The following TRAM1 variants were observed in gnomAD, a reference collection of about 807,000 sequenced individuals.
The protein encoded by TRAM1 is translocation associated membrane protein 1.
In TRAM1, 17 loss-of-function variants were observed where a neutral mutation model predicts 48.7. The ratio of observed to expected loss-of-function variants is 0.35; its 90% CI spans 0.24 to 0.52. The LOEUF (loss-of-function observed/expected upper bound fraction) is 0.52, where lower values mean the gene tolerates loss of function less well. Ranked by LOEUF, TRAM1 falls within the 20% of genes least tolerant of loss-of-function variation. The probability of loss-of-function intolerance (pLI) is 0.94; values close to 1 mark genes in which losing one functional copy is unlikely to be tolerated. For synonymous variants in TRAM1, 182 were observed against 154.0 expected (o/e 1.18, Z -1.34); for missense variants, 351 against 441.5 (o/e 0.79, Z 1.84).
intron 6 of TRAM1, among the ~76,000 whole-genome samples, chr8:70,593,089 C>A (rs905274795): frequency 6.6e-6 from 1 of 152,106 alleles, no homozygotes; most frequent in African/African-American, 2.4e-5. Context: ...AATAAAAGGT[C>A]TTCATCCTAT....
chr8:70,596,313 G>T lies in TRAM1; in HGVS notation c.435C>A (p.Tyr145Ter). Residue 145 changes from tyrosine (Y) to a stop codon, truncating the protein, a stop_gained, in exon 5 of 11, where the codon TAC becomes TAA. Coordinates refer to ENST00000262213, the MANE Select transcript of TRAM1 (RefSeq NM_014294.6). LOFTEE classifies it high-confidence loss of function. ...WGTFILISEN[Y>*]ISDPTILWRA... Reference sequence around the variant, plus strand: ...TCCATAAGATAGTTGGGTCTGAGATGTAGTTTTCCTAAGAAAGAAGATATA... The same window carrying T: ...TCCATAAGATAGTTGGGTCTGAGATTTAGTTTTCCTAAGAAAGAAGATATA... 6.3e-7 allele frequency: 1 copy of T among 1,596,982 alleles called. No homozygotes were observed. The highest frequency in any genetic ancestry group is 8.5e-7 in the Non-Finnish European group (1 of 1,173,362).
At chr8:70,593,654 C>T (rs1460818683) in intron 6 of TRAM1, among the ~76,000 whole-genome samples, 1 of 149,408 alleles carries the variant, frequency 6.7e-6, no homozygotes, top group Non-Finnish European at 1.5e-5. Flanking sequence ...ATTAATTTAT[C>T]CGAGGGAAGA....
At chr8:70,578,315 C>T (rs1379270138) in intron 10 of TRAM1, among the ~76,000 whole-genome samples, 1 of 152,166 alleles carries the variant, frequency 6.6e-6, no homozygotes, top group Non-Finnish European at 1.5e-5. Context: ...CGTCATGTTG[C>T]CCAGGCTGGT....
chr8:70,594,470 CAA>C, intron 6 of TRAM1, 34 bp downstream of exon 6: 2 of 1,517,492 alleles, frequency 1.3e-6, no homozygotes, highest in Non-Finnish European at 1.8e-6. Flanking sequence ...AAAAAAATGA[CAA>C]GACATTTTTT....
rs979484628 is a variant in TRAM1, at chr8:70,606,842, AC to A, written c.123+1234del. On this transcript the variant is annotated intron_variant, in intron 1 of 10. Coordinates refer to ENST00000262213, the MANE Select transcript of TRAM1 (RefSeq NM_014294.6). ...TTTAATTTTAAAATTAAAAAAAAAAACAAATATGCTCCATTAAAAAGAAAAT... is the reference window on the plus strand; with the variant it reads ...TTTAATTTTAAAATTAAAAAAAAAAAAAATATGCTCCATTAAAAAGAAAAT... The A allele has an allele frequency of 3.2e-5, 31 of 956,028 alleles. No homozygotes were observed. In the South Asian group the frequency reaches 4.8e-4, roughly 15 times the overall value. The allele number at this position is 956,028 out of a possible 1,614,324, so 59.2% of individuals were successfully genotyped here.
At chr8:70,596,755 T>C (rs988899710) in intron 4 of TRAM1, among the ~76,000 whole-genome samples, 1 of 143,012 alleles carries the variant, frequency 7.0e-6, no homozygotes, top group Non-Finnish European at 1.5e-5. Context: ...ATTACGTCAA[T>C]AAAATACTGC....
intron 10 of TRAM1, among the ~76,000 whole-genome samples, chr8:70,576,712 C>G (rs1816961214): frequency 6.6e-6 from 1 of 152,188 alleles, no homozygotes; most frequent in African/African-American, 2.4e-5. Context: ...ATGACATTGG[C>G]TGTAGTGTGA....
intron 4 of TRAM1, among the ~76,000 whole-genome samples, chr8:70,596,872 T>A (rs1817498452): frequency 1.3e-5 from 2 of 151,460 alleles, no homozygotes. Flanking sequence ...GTGATTTTTG[T>A]AAGAGTATTT....
chr8:70,579,183 A>T (rs1817022690), intron 10 of TRAM1, among the ~76,000 whole-genome samples: 1 of 152,226 alleles, frequency 6.6e-6, no homozygotes, highest in Admixed American at 6.5e-5. Flanking sequence ...CCACAAATCT[A>T]GATGGTAGAG....
intron 10 of TRAM1, among the ~76,000 whole-genome samples, chr8:70,578,030 C>T (rs139076334): frequency 5.3e-5 from 8 of 152,354 alleles, no homozygotes; most frequent in African/African-American, 1.4e-4. Flanking sequence ...TGCTGCTCCA[C>T]GTCTGGCTCA....
intron 6 of TRAM1, among the ~76,000 whole-genome samples, chr8:70,590,551 T>C (rs1266979665): frequency 6.6e-6 from 1 of 152,206 alleles, no homozygotes; most frequent in East Asian, 1.9e-4. Context: ...GCAGTGGTTA[T>C]TCACAGGTGC....
chr8:70,586,826 A>T (rs112421670), intron 8 of TRAM1, 69 bp downstream of exon 8: 1 of 1,313,798 alleles, frequency 7.6e-7, no homozygotes, highest in African/African-American at 1.5e-5. Flanking sequence ...TAAAGCATGG[A>T]TCTTGGCAAT....
At position 70,587,180 on chromosome 8, in the gene TRAM1, T is replaced by TA. The variant is rs1563383871; in HGVS notation, c.571-5dup. The TA allele has an allele frequency of 6.2e-7, 1 of 1,612,270 alleles. No individual in the cohort carries two copies. The highest frequency in any genetic ancestry group is 8.5e-7 in the Non-Finnish European group (1 of 1,178,586). On this transcript the variant is annotated splice_region_variant and splice_polypyrimidine_tract_variant and intron_variant, in intron 6 of 10. Transcript: ENST00000262213. ...CAAGCTGACGAGGAATATCTTCCTG[T>TA]AAAAAAATACATTATAGATTAAAAC...
chr8:70,577,907 TCA>T (rs1459902746), intron 10 of TRAM1, among the ~76,000 whole-genome samples: 4 of 152,238 alleles, frequency 2.6e-5, no homozygotes, highest in African/African-American at 9.6e-5. Context: ...AGCTGCAGCC[TCA>T]CACAGAGCCA....
At chr8:70,601,904 G>A (rs932821527) in intron 1 of TRAM1, among the ~76,000 whole-genome samples, 5 of 152,180 alleles carry the variant, frequency 3.3e-5, no homozygotes, top group Non-Finnish European at 7.3e-5. Context: ...AGATTTGGGA[G>A]TCTCTTTCTA....
At chr8:70,575,593 T>C (rs573696620) in intron 10 of TRAM1, among the ~76,000 whole-genome samples, 1 of 152,068 alleles carries the variant, frequency 6.6e-6, no homozygotes, top group South Asian at 2.1e-4. Context: ...TGGCTAATAG[T>C]AATGGCCTTC....
intron 10 of TRAM1, among the ~76,000 whole-genome samples, chr8:70,575,693 GC>G (rs1398230983): frequency 6.6e-6 from 1 of 152,136 alleles, no homozygotes. Context: ...TGAGGCGGGG[GC>G]AATGGCTTGC....
At chr8:70,594,457 A>C (rs749580379) in intron 6 of TRAM1, 49 bp downstream of exon 6, 11 of 1,503,530 alleles carry the variant, frequency 7.3e-6, no homozygotes, top group Non-Finnish European at 9.9e-6. Context: ...AAATTTTTCA[A>C]AAAAAAAAAT....
At chr8:70,593,777 G>A (rs544525446) in intron 6 of TRAM1, among the ~76,000 whole-genome samples, 2 of 152,162 alleles carry the variant, frequency 1.3e-5, no homozygotes, top group African/African-American at 2.4e-5. Flanking sequence ...AGATGGTGGC[G>A]ATGGGAGAAA....
Sources: allele counts gnomAD v4.1 joint callset (sites outside exome capture counted in the v4.1 genomes callset), GRCh38; gene constraint gnomAD v4.1.1; transcripts MANE v1.5; gene names NCBI Gene and HGNC (gene_info 2026-07-23, HGNC 2026-07-21).